Variants in TPH1 observed in about 807,000 individuals in gnomAD.
TPH1 encodes the protein tryptophan 5-hydroxylase 1.
TPH1 carries 37 observed loss-of-function variants against 49.5 expected under a neutral mutation model. The observed-to-expected ratio is 0.75, with a 90% CI of 0.58 to 0.98. The LOEUF (loss-of-function observed/expected upper bound fraction) is 0.98, where lower values mean the gene tolerates loss of function less well. Among genes scored for constraint, TPH1 ranks in the 50% least tolerant of loss-of-function variants. The probability of loss-of-function intolerance (pLI) is 0.00; values close to 1 mark genes in which losing one functional copy is unlikely to be tolerated. For synonymous variants in TPH1, 160 were observed against 182.1 expected, an observed-to-expected ratio of 0.88 and a Z score of 0.98; for missense variants, 487 against 523.6, an observed-to-expected ratio of 0.93 and a Z score of 0.68.
intron 8 of TPH1, 47 bp from the exon 9 acceptor site, chr11:18,024,030 T>C: frequency 3.6e-6 from 5 of 1,406,276 alleles, no homozygotes; most frequent in Non-Finnish European, 5.0e-6. Context: ...CGAATTCAAC[T>C]TAAAACAAAT....
intron 2 of TPH1, among the ~76,000 whole-genome samples, chr11:18,037,094 C>T (rs1234501706): frequency 1.3e-5 from 2 of 152,276 alleles, no homozygotes; most frequent in Non-Finnish European, 2.9e-5. Flanking sequence ...CGTGGTGGCT[C>T]ACGCCTGTAA....
chr11:18,044,425 A>T (rs59456685), intron 1 of TPH1, among the ~76,000 whole-genome samples: 9,804 of 152,192 alleles, frequency 0.064, 1,086 homozygotes, highest in African/African-American at 0.22. Context: ...GCGTCTCAAA[A>T]AAAAAGATGT....
chr11:18,036,248 A>C, intron 2 of TPH1, 106 bp from the exon 3 acceptor site: 1 of 824,078 alleles, frequency 1.2e-6, no homozygotes, highest in Non-Finnish European at 2.0e-6. Context: ...CACTTCTCAG[A>C]ACAGCAAAGG....
chr11:18,030,058 A>T (rs1445259985), intron 4 of TPH1, among the ~76,000 whole-genome samples: 5 of 152,038 alleles, frequency 3.3e-5, no homozygotes, highest in Non-Finnish European at 5.9e-5. Flanking sequence ...AACAATGATG[A>T]TTTAAAAAGC....
intron 9 of TPH1, chr11:18,023,148 G>C (rs1449179507): frequency 1.9e-5 from 10 of 522,430 alleles, no homozygotes; most frequent in African/African-American, 3.8e-5. Context: ...CCTCTCCATG[G>C]CTTTGTTCTT....
chr11:18,020,665 T>TA lies in TPH1; in HGVS notation c.*325dup. 3.5e-6 allele frequency: 1 copy of TA among 283,604 alleles called. No individual in the cohort carries two copies. Among genetic ancestry groups the TA allele is most frequent in the Non-Finnish European group, 6.8e-6 (1 of 146,620 alleles). 17.6% of individuals were successfully genotyped at this position (283,604 alleles called of 1,614,324 possible). On this transcript the variant is annotated 3_prime_UTR_variant, in exon 11 of 11. Transcript: ENST00000682019. ...TTTACTCAAGGAGGATTGGGGAAAA[T>TA]AGAGTTAGGCTGAGATTAGATCTAT...
At position 18,035,964 on chromosome 11, in the gene TPH1, T is replaced by G. The variant is rs766494146; in HGVS notation, c.296A>C (p.Glu99Ala). 12 of 1,611,030 alleles carry G rather than the reference T, an allele frequency of 7.4e-6. No homozygotes were observed. Among genetic ancestry groups the G allele is most frequent in the Non-Finnish European group, 9.3e-6 (11 of 1,179,182 alleles). ...VNLPDNFTLK[E>A]DGMETVPWFP... ...TTTTCACATTTTGAACTTACCATCT[T>G]CCTTCAAAGTAAAATTATCTGGTAG... The change falls in exon 3 of 11, where the codon GAA (glutamate) becomes GCA (alanine). Residue 99 changes from glutamate (E) to alanine (A), a missense_variant. Physicochemically the swap from Glu to Ala is moderately radical, Grantham distance 107. Transcript: ENST00000682019.
intron 7 of TPH1, among the ~76,000 whole-genome samples, chr11:18,026,071 C>T (rs1174411883): frequency 2.0e-5 from 3 of 152,008 alleles, no homozygotes; most frequent in Non-Finnish European, 4.4e-5. Context: ...CACTCCCACC[C>T]ACCTACACTT....
intron 1 of TPH1, among the ~76,000 whole-genome samples, chr11:18,043,603 A>G (rs1239995728): frequency 1.3e-5 from 2 of 150,236 alleles, no homozygotes; most frequent in African/African-American, 5.1e-5. Context: ...ACTCCGTCTC[A>G]AAAAACAAAA....
rs191321584 is a variant in TPH1 at position 18,030,162 on chromosome 11, A to G, written c.403-583T>C. Reference sequence around the variant, plus strand: ...GGTGGCTCAGGCCTGTAATCTCAACACTTTGGGAGACCTACGAAGGAGAAT... The same window carrying G: ...GGTGGCTCAGGCCTGTAATCTCAACGCTTTGGGAGACCTACGAAGGAGAAT... On this transcript the variant is annotated intron_variant, in intron 4 of 10. Transcript: ENST00000682019. Among the ~76,000 whole-genome samples, 789 of 152,262 alleles carry G rather than the reference A, an allele frequency of 5.2e-3. 4 individuals carry two copies. The highest frequency in any genetic ancestry group is 8.3e-3 in the Non-Finnish European group (562 of 68,004).
At chr11:18,045,886 G>A (rs1484081026) in intron 1 of TPH1, among the ~76,000 whole-genome samples, 1 of 152,126 alleles carries the variant, frequency 6.6e-6, no homozygotes, top group Non-Finnish European at 1.5e-5. Flanking sequence ...TACTGTTTCT[G>A]CCAACATAGA....
rs1462650188 is a variant in TPH1 at position 18,036,089 on chromosome 11, G to C, written c.171C>G (p.Asn57Lys). 6.2e-7 allele frequency: 1 copy of C among 1,613,274 alleles called. No homozygotes were observed. Among genetic ancestry groups the C allele is most frequent in the Admixed American group, 1.7e-5 (1 of 60,016 alleles). Residue 57 changes from asparagine (N) to lysine (K), a missense_variant, in exon 3 of 11, where the codon AAC becomes AAG. Transcript: ENST00000682019. ...HIESRKSKRR[N>K]SEFEIFVDCD... ...AGTCAACAAAAATCTCAAATTCTGA[G>C]TTTCTTCTTTTTGATTTTCGGGACT...
At chr11:18,032,135 C>T (rs1233569343) in intron 4 of TPH1, among the ~76,000 whole-genome samples, 1 of 152,078 alleles carries the variant, frequency 6.6e-6, no homozygotes, top group East Asian at 1.9e-4. Flanking sequence ...TACATTAAAG[C>T]TCTGGTCAGT....
Position 18,029,148 on chromosome 11 carries a change from A to T in TPH1, c.667+17T>A, listed in dbSNP as rs1290175724. 1 of 1,586,768 alleles carries T rather than the reference A, an allele frequency of 6.3e-7. No individual in the cohort carries two copies. The highest frequency in any genetic ancestry group is 1.7e-5 in the Admixed American group (1 of 59,950). On this transcript the variant is annotated intron_variant, in intron 6 of 10. Coordinates refer to ENST00000682019, the MANE Select transcript of TPH1 (RefSeq NM_004179.3). Reference sequence around the variant, plus strand: ...GAGTTCAGCAACTCCCTTACAAAAAATTAATTAGCTTATTACCTTTTAAAA... The same window carrying T: ...GAGTTCAGCAACTCCCTTACAAAAATTTAATTAGCTTATTACCTTTTAAAA...
At chr11:18,030,791 C>T (rs568699235) in intron 4 of TPH1, among the ~76,000 whole-genome samples, 3 of 152,134 alleles carry the variant, frequency 2.0e-5, no homozygotes, top group South Asian at 2.1e-4. Context: ...AACAAACAAA[C>T]AAACAAACAA....
At chr11:18,028,413 T>C (rs1178184377) in intron 6 of TPH1, among the ~76,000 whole-genome samples, 2 of 152,222 alleles carry the variant, frequency 1.3e-5, no homozygotes, top group Non-Finnish European at 2.9e-5. Context: ...GCCTATTCTA[T>C]TTTCAAATCA....
At chr11:18,022,191 G>A (rs917164218) in intron 10 of TPH1, among the ~76,000 whole-genome samples, 1 of 152,160 alleles carries the variant, frequency 6.6e-6, no homozygotes, top group Admixed American at 6.5e-5. Flanking sequence ...ATTTTCGCCT[G>A]AAGTGTTCCA....
rs777496634 is a variant in TPH1, at chr11:18,033,296, G to T, written c.380C>A (p.Ser127Tyr). ...HCANRVLMYG[S>Y]ELDADHPGFK... The stretch of plus-strand genomic sequence containing the variant: ...TACAGGATGGTCTGCATCTAGTTCA[G>T]ATCCATACATCAGAACTCTGTTGGC... The change falls in exon 4 of 11, where the codon TCT becomes TAT. Residue 127 changes from serine to tyrosine, a missense_variant. Transcript: ENST00000682019. 5 of 1,613,672 alleles carry T rather than the reference G, an allele frequency of 3.1e-6. No homozygotes were observed. In the East Asian group the frequency reaches 6.7e-5, roughly 22 times the overall value.
At chr11:18,035,853 T>C in intron 3 of TPH1, 106 bp downstream of exon 3, 1 of 968,894 alleles carries the variant, frequency 1.0e-6, no homozygotes, top group Admixed American at 2.1e-5. Context: ...GTAAGCAATT[T>C]GGAGAGCTTG....
Sources: gnomAD v4.1 joint callset for allele counts (sites outside exome capture counted in the v4.1 genomes callset) on GRCh38, gnomAD v4.1.1 for gene constraint, MANE v1.5 for transcripts, NCBI Gene and HGNC (gene_info 2026-07-23, HGNC 2026-07-21) for gene names.